Variants in FLT3LG observed in about 807,000 individuals in gnomAD.
The protein encoded by FLT3LG is fms-related tyrosine kinase 3 ligand.
A neutral mutation model predicts 30.9 loss-of-function variants in FLT3LG; 8 were observed. The ratio of observed to expected loss-of-function variants is 0.26; its 90% CI spans 0.15 to 0.47. The LOEUF is 0.47. Ranked by LOEUF, FLT3LG falls within the 20% of genes least tolerant of loss-of-function variation. FLT3LG has a pLI of 0.99. For synonymous variants in FLT3LG, 123 were observed against 135.9 expected (o/e 0.91, Z 0.66); for missense variants, 278 against 306.2 (o/e 0.91, Z 0.69).
chr19:49,479,344 G>A (rs1328018511), intron 6 of FLT3LG, among the ~76,000 whole-genome samples: 1 of 151,394 alleles, frequency 6.6e-6, no homozygotes, highest in African/African-American at 2.4e-5. Flanking sequence ...ACAGGCGCCC[G>A]CCACCACACC....
intron 2 of FLT3LG, 156 bp from the exon 3 acceptor site, chr19:49,475,535 C>A: frequency 1.0e-6 from 1 of 965,594 alleles, no homozygotes; most frequent in Non-Finnish European, 1.5e-6. Flanking sequence ...GAAAGACAGG[C>A]AGAGATGGGG....
intron 8 of FLT3LG, among the ~76,000 whole-genome samples, chr19:49,485,244 T>C (rs1181833800): frequency 1.4e-5 from 2 of 142,118 alleles, no homozygotes; most frequent in Non-Finnish European, 3.0e-5. Flanking sequence ...TTTTTCTTTT[T>C]TTTCTTTTTT....
intron 5 of FLT3LG, among the ~76,000 whole-genome samples, chr19:49,477,422 CG>C (rs1359916373): frequency 2.6e-5 from 4 of 151,818 alleles, no homozygotes; most frequent in African/African-American, 9.7e-5. Flanking sequence ...CCAGCTTGAG[CG>C]ACAGAGCAAG....
intron 6 of FLT3LG, chr19:49,479,671 T>A (rs1490881161): frequency 9.3e-6 from 2 of 214,542 alleles, no homozygotes; most frequent in Admixed American, 5.8e-5. Flanking sequence ...GCGGCTAATT[T>A]TTTTTTTTGT....
chr19:49,476,914 A>G lies in FLT3LG; in HGVS notation c.342+348A>G, dbSNP rs1340484728. Among the ~76,000 whole-genome samples, 1 of 151,982 alleles carries G rather than the reference A, an allele frequency of 6.6e-6. No homozygotes were observed. The highest frequency in any genetic ancestry group is 1.5e-5 in the Non-Finnish European group (1 of 68,002). ...GTAATCCTAGCACTTTGGGAGGCTG[A>G]GGTGGGCGGATCACTTGAGGTCAGG... On this transcript the variant is annotated intron_variant, in intron 5 of 8. Coordinates refer to ENST00000597551, the MANE Select transcript of FLT3LG (RefSeq NM_001459.4). The surrounding 1 kb of genome is among the most constrained non-coding windows in gnomAD (Gnocchi z 5.3).
Position 49,474,633 on chromosome 19 carries a change from G to A in FLT3LG, c.-7G>A, listed in dbSNP as rs371233989. 46 of 1,612,644 alleles carry A rather than the reference G, an allele frequency of 2.9e-5. No homozygotes were observed. Among genetic ancestry groups the A allele is most frequent in the African/African-American group, 1.2e-4 (9 of 74,862 alleles). ...GCGACAGGAGGCATGAGGGGCCCCC[G>A]GCCGAAATGACAGTGCTGGCGCCAG... On this transcript the variant is annotated 5_prime_UTR_variant, in exon 2 of 9. Coordinates refer to ENST00000597551, the MANE Select transcript of FLT3LG (RefSeq NM_001459.4).
intron 8 of FLT3LG, among the ~76,000 whole-genome samples, chr19:49,483,414 C>A (rs2079683440): frequency 6.6e-6 from 1 of 152,026 alleles, no homozygotes; most frequent in South Asian, 2.1e-4. Flanking sequence ...CGCGCCCAGC[C>A]CAGACAATAA....
At chr19:49,474,487 A>C in intron 1 of FLT3LG, 116 bp from the exon 2 acceptor site, 2 of 619,426 alleles carry the variant, frequency 3.2e-6, no homozygotes, top group Non-Finnish European at 2.7e-6. Context: ...TGGGGGAGGA[A>C]GGGGCGGAAA....
intron 2 of FLT3LG, among the ~76,000 whole-genome samples, chr19:49,474,911 GT>G (rs2079324796): frequency 7.9e-6 from 1 of 126,704 alleles, no homozygotes; most frequent in Non-Finnish European, 1.6e-5. Context: ...ATAGAGAGGA[GT>G]GGGAGATGGA....
At chr19:49,483,330 A>G (rs2079680384) in intron 8 of FLT3LG, among the ~76,000 whole-genome samples, 3 of 150,206 alleles carry the variant, frequency 2.0e-5, no homozygotes, top group South Asian at 4.2e-4. Context: ...GTTGGCCAGG[A>G]TGATCTCCAT....
At chr19:49,485,309 G>A (rs2079768264) in intron 8 of FLT3LG, among the ~76,000 whole-genome samples, 1 of 147,850 alleles carries the variant, frequency 6.8e-6, no homozygotes, top group African/African-American at 2.5e-5. Context: ...GAGTGCAATG[G>A]CACGATCTTG....
Position 49,475,786 on chromosome 19 carries a change from C to G in FLT3LG, c.129C>G (p.Val43=). Residue 43 remains valine, a synonymous_variant, in exon 3 of 9, where the codon GTC becomes GTG. Transcript: ENST00000597551. ...QHSPISSDFA[V]KIRELSDYLL... The stretch of plus-strand genomic sequence containing the variant: ...GCCCCATCTCCTCCGACTTCGCTGT[C>G]AAAATCCGTGAGCTGGTGAGCGGCG... 1 of 1,612,666 alleles carries G rather than the reference C, an allele frequency of 6.2e-7. No individual in the cohort carries two copies. Among genetic ancestry groups the G allele is most frequent in the Non-Finnish European group, 8.5e-7 (1 of 1,179,874 alleles).
In FLT3LG at chr19:49,475,819, G is replaced by A. The variant is rs761540955; in HGVS notation, c.144+18G>A. ...GTGAGCTGGTGAGCGGCGCTGCCCC[G>A]GACCCCCTCATGTGATCCCCCTTCC... On this transcript the variant is annotated intron_variant, in intron 3 of 8. Transcript: ENST00000597551. 22 of 1,472,248 alleles carry A rather than the reference G, an allele frequency of 1.5e-5. No homozygotes were observed. The highest frequency in any genetic ancestry group is 3.6e-5 in the Admixed American group (2 of 56,182). The allele number at this position is 1,472,248 out of a possible 1,614,324, so 91.2% of individuals were successfully genotyped here. A position where few individuals can be genotyped will look rare whatever the true frequency, so the allele number is the denominator to read the frequency against.
At position 49,484,169 on chromosome 19, in the gene FLT3LG, C is replaced by T. The variant is rs1215081042; in HGVS notation, c.*22-1846C>T. Among the ~76,000 whole-genome samples the T allele has an allele frequency of 2.0e-5, 3 of 150,094 alleles. No homozygotes were observed. In the South Asian group the frequency reaches 6.2e-4, roughly 31 times the overall value. ...AAGTGCTGGGATTATAGGCGTGAGC[C>T]ACCACGCCCAGCCTATCTTTTTTTT... On this transcript the variant is annotated intron_variant, in intron 8 of 8. Coordinates refer to ENST00000597551, the MANE Select transcript of FLT3LG (RefSeq NM_001459.4).
intron 8 of FLT3LG, 174 bp from the exon 9 acceptor site, chr19:49,485,841 T>C (rs771371659): frequency 6.6e-6 from 1 of 152,244 alleles, no homozygotes; most frequent in Non-Finnish European, 1.5e-5. Context: ...ATTTCTATCA[T>C]GGCCACGTTC....
chr19:49,480,746 C>T lies in FLT3LG; in HGVS notation c.*21+126C>T, dbSNP rs1021491093. 75 of 1,030,896 alleles carry T rather than the reference C, an allele frequency of 7.3e-5. No individual in the cohort carries two copies. In the Admixed American group the frequency reaches 1.8e-3, roughly 25 times the overall value. The allele number at this position is 1,030,896 out of a possible 1,614,324, so 63.9% of individuals were successfully genotyped here. A position where few individuals can be genotyped will look rare whatever the true frequency, so the allele number is the denominator to read the frequency against. ...CAGCTCTAGGTGCAGAAAGACCCCTCTGGGGCCAGGCGCGGTGGCTCACGC... is the reference window on the plus strand; with the variant it reads ...CAGCTCTAGGTGCAGAAAGACCCCTTTGGGGCCAGGCGCGGTGGCTCACGC... On this transcript the variant is annotated intron_variant, in intron 8 of 8. Transcript: ENST00000597551.
chr19:49,484,741 C>G (rs1191431978), intron 8 of FLT3LG, among the ~76,000 whole-genome samples: 1 of 151,938 alleles, frequency 6.6e-6, no homozygotes, highest in Non-Finnish European at 1.5e-5. Context: ...GTGATCTGCC[C>G]GCCTTGACCT....
At chr19:49,479,978 G>A (rs1167832994) in intron 6 of FLT3LG, among the ~76,000 whole-genome samples, 2 of 151,626 alleles carry the variant, frequency 1.3e-5, no homozygotes, top group Non-Finnish European at 2.9e-5. Context: ...TAGTTTTTGT[G>A]TTTTTAGTAG....
intron 8 of FLT3LG, among the ~76,000 whole-genome samples, chr19:49,484,601 A>T (rs555182408): frequency 4.6e-5 from 7 of 152,036 alleles, no homozygotes; most frequent in African/African-American, 1.7e-4. Flanking sequence ...GGTTCAAGCG[A>T]TTCTACTGCC....
Sources: allele counts gnomAD v4.1 joint callset (sites outside exome capture counted in the v4.1 genomes callset), GRCh38; gene constraint gnomAD v4.1.1; non-coding constraint Gnocchi (gnomAD v3.1); transcripts MANE v1.5; gene names NCBI Gene and HGNC (gene_info 2026-07-23, HGNC 2026-07-21).